STK35: variants seen among roughly 807,000 people sequenced by gnomAD.
STK35 encodes the protein serine/threonine kinase 35, also known as serine/threonine-protein kinase 35.
In STK35, 17 loss-of-function variants were observed where a neutral mutation model predicts 37.3. The observed-to-expected ratio is 0.46, with a 90% CI of 0.31 to 0.68. The LOEUF (loss-of-function observed/expected upper bound fraction) is 0.68, where lower values mean the gene tolerates loss of function less well. Among genes scored for constraint, STK35 ranks in the 30% least tolerant of loss-of-function variants. The pLI, the probability that STK35 is intolerant of heterozygous loss-of-function variation, is 0.05. For missense variants in STK35, 595 were observed against 746.7 expected, an observed-to-expected ratio of 0.80 and a Z score of 2.37; for synonymous variants, 385 against 319.1, an observed-to-expected ratio of 1.21 and a Z score of -2.20.
chr20:2,102,846 T>C lies in STK35; in HGVS notation c.373T>C (p.Leu125=), dbSNP rs1985426604. 2 of 1,544,306 alleles carry C rather than the reference T, an allele frequency of 1.3e-6. No individual in the cohort carries two copies. The highest frequency in any genetic ancestry group is 2.5e-5 in the East Asian group (1 of 40,062). ...GGCAGGGGGGGCCCGGGCAGCGCCG[T>C]TGCTGCTCCCCCCGCCGCCCGCAGC... The part of the protein sequence containing the change: ...DEAGGARAAP[L]LLPPPPAAME... The change falls in exon 2 of 4, where the codon TTG becomes CTG. Residue 125 remains leucine (L), a synonymous_variant. Transcript: ENST00000381482.
intron 2 of STK35, among the ~76,000 whole-genome samples, chr20:2,106,847 A>T (rs1455806256): frequency 6.6e-6 from 1 of 152,198 alleles, no homozygotes; most frequent in East Asian, 1.9e-4. Context: ...CTTCGGAGGA[A>T]TAGAAAGAGG....
intron 3 of STK35, among the ~76,000 whole-genome samples, chr20:2,136,100 CAG>C (rs1223449009): frequency 6.6e-6 from 1 of 152,184 alleles, no homozygotes; most frequent in Non-Finnish European, 1.5e-5. Context: ...AACTTAGACT[CAG>C]GGGACACATT....
At chr20:2,125,234 G>A (rs1301229807) in intron 3 of STK35, among the ~76,000 whole-genome samples, 1 of 152,134 alleles carries the variant, frequency 6.6e-6, no homozygotes, top group East Asian at 1.9e-4. Flanking sequence ...TTACCCCAGG[G>A]ACGCAGACAC....
At chr20:2,140,003 GGGTAGTAAAGCTGGAAAACTT>G (rs1213925938) in intron 3 of STK35, among the ~76,000 whole-genome samples, 1 of 152,136 alleles carries the variant, frequency 6.6e-6, no homozygotes, top group Non-Finnish European at 1.5e-5. Context: ...CAGAGACTTT[GGGTAGTAAAGCTGGAAAACTT>G]TGGATTAAGT....
chr20:2,104,221 T>C (rs1223689628), intron 2 of STK35, among the ~76,000 whole-genome samples: 1 of 152,166 alleles, frequency 6.6e-6, no homozygotes, highest in Admixed American at 6.5e-5. Context: ...GCCTTTTTCA[T>C]ACTACCAGTA....
intron 3 of STK35, among the ~76,000 whole-genome samples, chr20:2,130,827 C>T (rs1271387220): frequency 6.6e-6 from 1 of 152,146 alleles, no homozygotes; most frequent in Non-Finnish European, 1.5e-5. Flanking sequence ...TCTGGACGGT[C>T]AGCCAGTGGG....
At chr20:2,107,526 A>G (rs1441734189) in intron 2 of STK35, among the ~76,000 whole-genome samples, 1 of 152,246 alleles carries the variant, frequency 6.6e-6, no homozygotes. Context: ...CAGAGGACGC[A>G]TGCCCACATG....
chr20:2,130,369 C>A (rs1238819527), intron 3 of STK35, among the ~76,000 whole-genome samples: 1 of 152,108 alleles, frequency 6.6e-6, no homozygotes, highest in Non-Finnish European at 1.5e-5. Flanking sequence ...TTGTTCTTTT[C>A]TTGGTAATCA....
Position 2,103,138 on chromosome 20 carries a change from G to A in STK35, c.665G>A (p.Gly222Glu). 1 of 1,604,794 alleles carries A rather than the reference G, an allele frequency of 6.2e-7. No homozygotes were observed. The highest frequency in any genetic ancestry group is 8.5e-7 in the Non-Finnish European group (1 of 1,179,160). Residue 222 changes from glycine to glutamate, a missense_variant, in exon 2 of 4, where the codon GGG becomes GAG. Around this residue, in one of 3 missense-constraint regions of STK35, gnomAD observed 97 missense variants for 146.4 expected, o/e 0.66. Transcript: ENST00000381482. The stretch of plus-strand genomic sequence containing the variant: ...GGCGTGGTTTATGAGGCAGTGGCCG[G>A]GCGCAGCGGGGCCCGGGTGGCGGTC... ...SYGVVYEAVA[G>E]RSGARVAVKK...
rs11087326 is a variant in STK35 at position 2,147,038 on chromosome 20, C to T, written c.*3292C>T. On this transcript the variant is annotated 3_prime_UTR_variant, in exon 4 of 4. Transcript: ENST00000381482. ...GTGGCTGCCTTTCTGAGGGAGTATA[C>T]TAAATGTTTACTTAAGAAACACCCT... The T allele has an allele frequency of 0.33, 50,242 of 152,566 alleles. 9,873 individuals are homozygous for T. The highest frequency in any genetic ancestry group is 0.93 in the East Asian group (4,790 of 5,178). 9.5% of individuals were successfully genotyped at this position (152,566 alleles called of 1,614,324 possible). A position where few individuals can be genotyped will look rare whatever the true frequency, so the allele number is the denominator to read the frequency against.
At chr20:2,114,095 C>G (rs1985669747) in intron 2 of STK35, among the ~76,000 whole-genome samples, 1 of 152,126 alleles carries the variant, frequency 6.6e-6, no homozygotes, top group South Asian at 2.1e-4. Flanking sequence ...CTCCTTCCAT[C>G]TGGTCGTGAG....
rs1016060628 is a variant in STK35 at position 2,123,144 on chromosome 20, C to T, written c.*37+5729C>T. Among the ~76,000 whole-genome samples, 7 of 152,144 alleles carry T rather than the reference C, an allele frequency of 4.6e-5. No individual in the cohort carries two copies. In the East Asian group the frequency reaches 5.8e-4, roughly 13 times the overall value. The stretch of plus-strand genomic sequence containing the variant: ...GTCTGCTGTCTGATATACAAACCTC[C>T]GTTACTAGGGCCTTTTGAAGCCAAA... On this transcript the variant is annotated intron_variant, in intron 3 of 3. Transcript: ENST00000381482.
At chr20:2,119,252 A>C (rs1196269981) in intron 3 of STK35, among the ~76,000 whole-genome samples, 2 of 152,238 alleles carry the variant, frequency 1.3e-5, no homozygotes, top group Non-Finnish European at 2.9e-5. Flanking sequence ...TCGGGTGTTG[A>C]TGCACAGAGT....
At chr20:2,139,665 G>C (rs986292877) in intron 3 of STK35, among the ~76,000 whole-genome samples, 3 of 152,200 alleles carry the variant, frequency 2.0e-5, no homozygotes, top group African/African-American at 7.2e-5. Flanking sequence ...TTGCTGGGGT[G>C]AAATGAGGCA....
intron 2 of STK35, among the ~76,000 whole-genome samples, chr20:2,105,977 G>T (rs1985507804): frequency 6.6e-6 from 1 of 152,172 alleles, no homozygotes; most frequent in Admixed American, 6.5e-5. Flanking sequence ...TAAAATATTT[G>T]AACCTCTACG....
intron 3 of STK35, among the ~76,000 whole-genome samples, chr20:2,122,195 G>T (rs1985830714): frequency 6.6e-6 from 1 of 152,140 alleles, no homozygotes; most frequent in African/African-American, 2.4e-5. Flanking sequence ...TTAGCCAGGT[G>T]TGGTGGCACA....
intron 3 of STK35, among the ~76,000 whole-genome samples, chr20:2,130,620 G>A (rs1985983644): frequency 1.3e-5 from 2 of 152,144 alleles, no homozygotes; most frequent in South Asian, 4.1e-4. Flanking sequence ...TATAACATCA[G>A]AGTCATGATT....
intron 3 of STK35, among the ~76,000 whole-genome samples, chr20:2,137,679 C>A (rs536143879): frequency 6.6e-6 from 1 of 152,240 alleles, no homozygotes; most frequent in South Asian, 2.1e-4. Context: ...CTGTTTTTGC[C>A]CTACTTTAAG....
Position 2,113,077 on chromosome 20 carries a change from G to A in STK35, c.893-3589G>A, listed in dbSNP as rs151135651. Among the ~76,000 whole-genome samples the A allele has an allele frequency of 9.2e-5, 14 of 152,258 alleles. No homozygotes were observed. In the East Asian group the frequency reaches 2.5e-3, roughly 27 times the overall value. ...CTCCATCAGTCCTGTTCTGACTGGT[G>A]GACCACAGTGACAGTTTGGTTCTTT... On this transcript the variant is annotated intron_variant, in intron 2 of 3. Transcript: ENST00000381482.
Sources: allele counts gnomAD v4.1 joint callset (sites outside exome capture counted in the v4.1 genomes callset), GRCh38; gene constraint gnomAD v4.1.1; regional missense constraint gnomAD v4.1.1; transcripts MANE v1.5; gene names NCBI Gene and HGNC (gene_info 2026-07-23, HGNC 2026-07-21).